The following MDGA2 variants were observed in gnomAD, a reference collection of about 807,000 sequenced individuals.
The protein encoded by MDGA2 is MAM domain containing glycosylphosphatidylinositol anchor 2, also known as MAM domain-containing glycosylphosphatidylinositol anchor protein 2.
Under a neutral mutation model 117.8 loss-of-function variants are expected in MDGA2, and 40 were observed. That is an observed-to-expected ratio of 0.34 (90% CI 0.26 to 0.44). The LOEUF (loss-of-function observed/expected upper bound fraction) is 0.44. MDGA2 is among the 20% of genes least tolerant of loss of function. MDGA2 has a pLI of 1.00. For missense variants in MDGA2, 1,123 were observed against 1,250.6 expected, an observed-to-expected ratio of 0.90 and a Z score of 1.54; for synonymous variants, 452 against 439.0, an observed-to-expected ratio of 1.03 and a Z score of -0.37.
chr14:47,508,550 TG>T (rs1451211103), intron 1 of MDGA2, among the ~76,000 whole-genome samples: 1 of 152,176 alleles, frequency 6.6e-6, no homozygotes, highest in African/African-American at 2.4e-5. Flanking sequence ...TTGTTTTTGG[TG>T]GTTATTTCCA....
At chr14:47,041,005 T>C (rs1889045559) in intron 7 of MDGA2, among the ~76,000 whole-genome samples, 1 of 152,092 alleles carries the variant, frequency 6.6e-6, no homozygotes, top group South Asian at 2.1e-4. Flanking sequence ...AAATAATAGA[T>C]AATAGAGATA....
At chr14:47,406,111 T>C (rs377442185) in intron 1 of MDGA2, among the ~76,000 whole-genome samples, 6 of 152,114 alleles carry the variant, frequency 3.9e-5, no homozygotes, top group Admixed American at 3.9e-4. Context: ...TTGTTCCTAG[T>C]TGTAAGAATT....
chr14:46,948,573 T>C (rs778764101), intron 9 of MDGA2, among the ~76,000 whole-genome samples: 8 of 151,986 alleles, frequency 5.3e-5, no homozygotes, highest in Non-Finnish European at 7.4e-5. Context: ...GGAGTGTGGA[T>C]GGAGATGTGA....
At chr14:47,505,437 T>G (rs1340936053) in intron 1 of MDGA2, among the ~76,000 whole-genome samples, 2 of 152,052 alleles carry the variant, frequency 1.3e-5, no homozygotes, top group African/African-American at 4.8e-5. Context: ...ACAACATAGA[T>G]CTGTATAAAA....
chr14:47,135,727 C>G (rs986694377), intron 4 of MDGA2, among the ~76,000 whole-genome samples: 2 of 152,100 alleles, frequency 1.3e-5, no homozygotes, highest in Non-Finnish European at 2.9e-5. Context: ...TCTATGCAGT[C>G]TAAGCAAAAC....
At chr14:47,322,618 C>T (rs1890013678) in intron 1 of MDGA2, among the ~76,000 whole-genome samples, 1 of 152,144 alleles carries the variant, frequency 6.6e-6, no homozygotes, top group Admixed American at 6.5e-5. Flanking sequence ...CCAGAAAACG[C>T]AACCTGCACG....
chr14:47,131,136 A>G (rs1882185710), intron 5 of MDGA2, among the ~76,000 whole-genome samples: 1 of 152,044 alleles, frequency 6.6e-6, no homozygotes, highest in African/African-American at 2.4e-5. Context: ...TGTTTTTCTC[A>G]TATACCTTCT....
chr14:46,973,070 T>G (rs113705376), intron 8 of MDGA2, among the ~76,000 whole-genome samples: 16 of 152,078 alleles, frequency 1.1e-4, no homozygotes, highest in African/African-American at 1.4e-4. Flanking sequence ...TAAAATACCA[T>G]GATACGGCTA....
chr14:47,212,747 C>T (rs1005472968), intron 3 of MDGA2, among the ~76,000 whole-genome samples: 1 of 152,146 alleles, frequency 6.6e-6, no homozygotes, highest in Non-Finnish European at 1.5e-5. Flanking sequence ...GCGATCTTTA[C>T]CGCGGAACCT....
chr14:47,044,823 C>T (rs926170869), intron 7 of MDGA2, among the ~76,000 whole-genome samples: 7 of 152,150 alleles, frequency 4.6e-5, no homozygotes, highest in African/African-American at 1.7e-4. Context: ...AATGTCCACG[C>T]ATACACACAC....
chr14:47,144,034 T>C, intron 4 of MDGA2, 44 bp downstream of exon 4: 1 of 1,363,596 alleles, frequency 7.3e-7, no homozygotes, highest in South Asian at 1.6e-5. Context: ...ATTAGGAAAG[T>C]ATCCTAGCAG....
chr14:47,481,196 A>G lies in MDGA2; in HGVS notation c.281-179646T>C, dbSNP rs148248324. 5.3e-4 allele frequency among the ~76,000 whole-genome samples: 80 copies of G among 152,112 alleles called. 1 individual carries two copies. Among genetic ancestry groups the G allele is most frequent in the African/African-American group, 1.8e-3 (75 of 41,566 alleles). ...CTCTTTTACTCCATTTTCCACATAT[A>G]AAGTGATAAGCGTAGGAGGAAATCT... On this transcript the variant is annotated intron_variant, in intron 1 of 16. Transcript: ENST00000399232.
chr14:46,915,565 A>T (rs1883866993), intron 10 of MDGA2, among the ~76,000 whole-genome samples: 1 of 152,172 alleles, frequency 6.6e-6, no homozygotes, highest in African/African-American at 2.4e-5. Flanking sequence ...TGTAATTATC[A>T]TTTCTTATCT....
At chr14:46,957,729 T>C in intron 8 of MDGA2, 86 bp from the exon 9 acceptor site, 1 of 1,421,600 alleles carries the variant, frequency 7.0e-7, no homozygotes, top group Non-Finnish European at 9.7e-7. Context: ...CCATTTGCAG[T>C]AACACATGCA....
At chr14:46,887,519 C>T (rs1053597358) in intron 10 of MDGA2, among the ~76,000 whole-genome samples, 8 of 151,930 alleles carry the variant, frequency 5.3e-5, no homozygotes, top group Non-Finnish European at 1.0e-4. Context: ...CGCCAGCATA[C>T]AATGTATTTT....
chr14:47,421,304 C>G (rs1484195155), intron 1 of MDGA2, among the ~76,000 whole-genome samples: 2 of 151,994 alleles, frequency 1.3e-5, no homozygotes, highest in East Asian at 3.9e-4. Context: ...AGTCAATCAG[C>G]CAAGAAAAAA....
At chr14:47,195,607 T>A (rs1388375668) in intron 3 of MDGA2, among the ~76,000 whole-genome samples, 1 of 152,028 alleles carries the variant, frequency 6.6e-6, no homozygotes, top group Non-Finnish European at 1.5e-5. Context: ...GAAAATCATA[T>A]AAAAAGAGAT....
chr14:47,406,760 A>C (rs1368275946), intron 1 of MDGA2, among the ~76,000 whole-genome samples: 1 of 151,998 alleles, frequency 6.6e-6, no homozygotes, highest in Non-Finnish European at 1.5e-5. Flanking sequence ...GATTTAAATA[A>C]TTTCCTCCTC....
intron 1 of MDGA2, among the ~76,000 whole-genome samples, chr14:47,371,392 C>T (rs928406681): frequency 4.0e-5 from 6 of 151,706 alleles, no homozygotes; most frequent in African/African-American, 1.4e-4. Flanking sequence ...TTTTAGTCAT[C>T]TAAATTAATG....
Sources: gnomAD v4.1 joint callset for allele counts (sites outside exome capture counted in the v4.1 genomes callset) on GRCh38, gnomAD v4.1.1 for gene constraint, MANE v1.5 for transcripts, NCBI Gene and HGNC (gene_info 2026-07-23, HGNC 2026-07-21) for gene names.